Variants in SART3 observed in about 807,000 individuals in gnomAD.
SART3 encodes the protein spliceosome associated factor 3, U4/U6 recycling protein.
A neutral mutation model predicts 122.3 loss-of-function variants in SART3; 44 were observed. The observed-to-expected ratio is 0.36, with a 90% confidence interval of 0.28 to 0.46. The LOEUF is 0.46. Among genes scored for constraint, SART3 ranks in the 20% least tolerant of loss-of-function variants. The pLI is 1.00. For synonymous variants in SART3, 442 were observed against 454.0 expected, an observed-to-expected ratio of 0.97 and a Z score of 0.34; for missense variants, 1,101 against 1,229.0, an observed-to-expected ratio of 0.90 and a Z score of 1.56.
At chr12:108,524,247 C>G in intron 18 of SART3, 69 bp downstream of exon 18, 1 of 1,273,808 alleles carries the variant, frequency 7.9e-7, no homozygotes, top group Non-Finnish European at 1.1e-6. Flanking sequence ...CCGGGTTAAT[C>G]CCCCCGTGAT....
In SART3 at chr12:108,523,498, T is replaced by C. The variant is rs1266605261; in HGVS notation, c.2851A>G (p.Met951Val). 1.9e-6 allele frequency: 3 copies of C among 1,613,090 alleles called. No homozygotes were observed. The highest frequency in any genetic ancestry group is 2.7e-5 in the African/African-American group (2 of 74,874). ...AGCTTGGCAAAATCGGCATTGGACA[T>C]CTTGGGTGCCTCGGTGGCTGCTGGG... is the stretch of plus-strand genomic sequence containing the variant. Reference protein sequence around the residue: ...AAPAATEAPKMSNADFAKLFL... With the variant: ...AAPAATEAPKVSNADFAKLFL... Residue 951 changes from methionine (M) to valine (V), a missense_variant, in exon 19 of 19, where the codon ATG (methionine) becomes GTG (valine). Met to Val is a conservative substitution (Grantham distance 21, BLOSUM62 1). Around this residue, in one of 2 missense-constraint regions of SART3, gnomAD observed 885 missense variants for 1,080.1 expected, o/e 0.82. Coordinates refer to ENST00000546815, the MANE Select transcript of SART3 (RefSeq NM_014706.4).
intron 1 of SART3, among the ~76,000 whole-genome samples, chr12:108,556,515 AATGTTCTCCTGCTT>A (rs2030226919): frequency 6.6e-6 from 1 of 152,240 alleles, no homozygotes; most frequent in Non-Finnish European, 1.5e-5. Flanking sequence ...GACTTTTAGC[AATGTTCTCCTGCTT>A]ATGATTCATA....
chr12:108,560,960 G>A lies in SART3; in HGVS notation c.195C>T (p.Ser65=), dbSNP rs773264444. ...AAGCCATGGCGTACTCATCCCCATC[G>A]CTCTCGCTCACGCCTTCCTCCTGCT... ...WDQQEEGVSE[S]DGDEYAMASS... The change falls in exon 1 of 19, where the codon AGC becomes AGT. Residue 65 remains serine, a synonymous_variant. Coordinates refer to ENST00000546815, the MANE Select transcript of SART3 (RefSeq NM_014706.4). The A allele has an allele frequency of 6.2e-7, 1 of 1,613,984 alleles. No individual in the cohort carries two copies. The highest frequency in any genetic ancestry group is 8.5e-7 in the Non-Finnish European group (1 of 1,179,976).
chr12:108,559,686 A>AAG (rs1565870255), intron 1 of SART3, among the ~76,000 whole-genome samples: 85 of 127,592 alleles, frequency 6.7e-4, no homozygotes, highest in Non-Finnish European at 9.0e-4. Flanking sequence ...AAAAAAAAAA[A>AAG]AGAGAGAATG....
chr12:108,549,429 T>TA (rs1592772663), intron 1 of SART3: 3 of 537,532 alleles, frequency 5.6e-6, no homozygotes. Flanking sequence ...TCAAATCTGT[T>TA]ACAGTTCCTG....
chr12:108,551,809 T>C (rs2030020594), intron 1 of SART3, among the ~76,000 whole-genome samples: 1 of 152,116 alleles, frequency 6.6e-6, no homozygotes, highest in African/African-American at 2.4e-5. Context: ...AGAAAATCTC[T>C]GAACACGTGA....
At position 108,561,028 on chromosome 12, in the gene SART3, C is replaced by G. The variant is rs768273511; in HGVS notation, c.127G>C (p.Val43Leu). The change falls in exon 1 of 19, where the codon GTG becomes CTG. Residue 43 changes from valine (V) to leucine (L), a missense_variant. Coordinates refer to ENST00000546815, the MANE Select transcript of SART3 (RefSeq NM_014706.4). ...ATGGTCTTGTATGTCGCAGCGGCCA[C>G]AGCCCGCGATAACACCTTCCTCCTT... ...RTRRKVLSRA[V>L]AAATYKTMGP... 7 of 1,614,202 alleles carry G rather than the reference C, an allele frequency of 4.3e-6. No homozygotes were observed. The South Asian group carries it at 7.7e-5, about 18-fold the overall frequency.
chr12:108,534,336 G>A (rs974224430), intron 12 of SART3, among the ~76,000 whole-genome samples: 2 of 151,998 alleles, frequency 1.3e-5, no homozygotes, highest in Non-Finnish European at 2.9e-5. Flanking sequence ...GCAGATCTAG[G>A]GGGATATTCA....
At position 108,522,980 on chromosome 12, in the gene SART3, T is replaced by C; in HGVS notation, c.*477A>G. The stretch of plus-strand genomic sequence containing the variant: ...AAAACTCCAGCAAATGTTTTATAGC[T>C]GACTTCCCTCAGACCCACCCCCACA... On this transcript the variant is annotated 3_prime_UTR_variant, in exon 19 of 19. Transcript: ENST00000546815. The C allele has an allele frequency of 5.9e-6, 1 of 169,738 alleles. No individual in the cohort carries two copies. Among genetic ancestry groups the C allele is most frequent in the South Asian group, 1.5e-4 (1 of 6,882 alleles). 10.5% of individuals were successfully genotyped at this position (169,738 alleles called of 1,614,324 possible). A position where few individuals can be genotyped will look rare whatever the true frequency, so the allele number is the denominator to read the frequency against.
intron 6 of SART3, among the ~76,000 whole-genome samples, chr12:108,540,354 A>G (rs1045094148): frequency 3.3e-5 from 5 of 152,200 alleles, no homozygotes; most frequent in African/African-American, 1.2e-4. Context: ...TCAAGAAGGG[A>G]AGCAAAGACC....
Position 108,522,626 on chromosome 12 carries a change from C to T in SART3, c.*831G>A, listed in dbSNP as rs550158484. 3 of 152,356 alleles carry T rather than the reference C, an allele frequency of 2.0e-5. No individual in the cohort carries two copies. Among genetic ancestry groups the T allele is most frequent in the Middle Eastern group, 3.4e-3 (1 of 294 alleles). 9.4% of individuals were successfully genotyped at this position (152,356 alleles called of 1,614,324 possible). A position where few individuals can be genotyped will look rare whatever the true frequency, so the allele number is the denominator to read the frequency against. On this transcript the variant is annotated 3_prime_UTR_variant, in exon 19 of 19. Coordinates refer to ENST00000546815, the MANE Select transcript of SART3 (RefSeq NM_014706.4). ...CACATCTATTAGGTAAAGCAAGGTACACCCACTTCAAAACACATCTGTATG... is the reference window on the plus strand; with the variant it reads ...CACATCTATTAGGTAAAGCAAGGTATACCCACTTCAAAACACATCTGTATG...
At chr12:108,547,743 G>T in intron 3 of SART3, 144 bp downstream of exon 3, 1 of 670,222 alleles carries the variant, frequency 1.5e-6, no homozygotes, top group Non-Finnish European at 2.7e-6. Context: ...CAAAGACAAT[G>T]ATAAGACAAC....
At chr12:108,523,688 A>G (rs1872236438) in intron 18 of SART3, 54 bp from the exon 19 acceptor site, 1 of 1,508,356 alleles carries the variant, frequency 6.6e-7, no homozygotes, top group South Asian at 1.1e-5. Context: ...GTGGCCCCTC[A>G]TTTATTTGTG....
chr12:108,541,895 CATG>C (rs1282682258), intron 6 of SART3, among the ~76,000 whole-genome samples: 1 of 151,532 alleles, frequency 6.6e-6, no homozygotes, highest in Non-Finnish European at 1.5e-5. Context: ...AATGCAGTGG[CATG>C]ATTACAGCTC....
chr12:108,557,309 G>A lies in SART3; in HGVS notation c.312+3534C>T, dbSNP rs148551256. ...GTTCACTGCAACCTCTGCCTCCCGG[G>A]TTCAGGCGATTCTCCTGCCTCAGCC... On this transcript the variant is annotated intron_variant, in intron 1 of 18. Coordinates refer to ENST00000546815, the MANE Select transcript of SART3 (RefSeq NM_014706.4). 4.9e-3 allele frequency among the ~76,000 whole-genome samples: 734 copies of A among 150,070 alleles called. 6 individuals are homozygous for A. Among genetic ancestry groups the A allele is most frequent in the African/African-American group, 0.016 (652 of 40,198 alleles).
At chr12:108,536,946 G>A (rs1872933832) in intron 9 of SART3, among the ~76,000 whole-genome samples, 161 bp from the exon 10 acceptor site, 1 of 152,172 alleles carries the variant, frequency 6.6e-6, no homozygotes, top group African/African-American at 2.4e-5. Flanking sequence ...CACATAGTTG[G>A]GGAGAAAGAA....
Position 108,530,256 on chromosome 12 carries a change from G to A in SART3, c.1801C>T (p.Arg601Trp), listed in dbSNP as rs779251233. 20 of 1,613,822 alleles carry A rather than the reference G, an allele frequency of 1.2e-5. No individual in the cohort carries two copies. Among genetic ancestry groups the A allele is most frequent in the Middle Eastern group, 1.6e-4 (1 of 6,084 alleles). The stretch of plus-strand genomic sequence containing the variant: ...TTCTTCTCAGCCCGAGCTCTTTTCC[G>A]TTGTTCAGCCTTTTCTTCTTCTTGC... Reference protein sequence around the residue: ...VQQEEEKAEQRKRARAEKKAL... With the variant: ...VQQEEEKAEQWKRARAEKKAL... The change falls in exon 15 of 19, where the codon CGG becomes TGG. Residue 601 changes from arginine to tryptophan, a missense_variant. Physicochemically the swap from Arg to Trp is moderately radical, Grantham distance 101. Around this residue, in one of 2 missense-constraint regions of SART3, gnomAD observed 885 missense variants for 1,080.1 expected, o/e 0.82. Coordinates refer to ENST00000546815, the MANE Select transcript of SART3 (RefSeq NM_014706.4).
chr12:108,556,887 A>G (rs2030241226), intron 1 of SART3, among the ~76,000 whole-genome samples: 1 of 152,264 alleles, frequency 6.6e-6, no homozygotes, highest in African/African-American at 2.4e-5. Flanking sequence ...GTGGGAGAGC[A>G]CTTGCTAGTC....
intron 12 of SART3, among the ~76,000 whole-genome samples, chr12:108,533,437 G>A (rs1393485981): frequency 1.4e-5 from 2 of 147,172 alleles, no homozygotes; most frequent in Non-Finnish European, 3.0e-5. Flanking sequence ...AGCTAATCAA[G>A]TCATTTTTTT....
Sources: gnomAD v4.1 joint callset for allele counts (sites outside exome capture counted in the v4.1 genomes callset) on GRCh38, gnomAD v4.1.1 for gene constraint, gnomAD v4.1.1 regional missense constraint, MANE v1.5 for transcripts, NCBI Gene and HGNC (gene_info 2026-07-23, HGNC 2026-07-21) for gene names.